Variants in NR2F1-AS1 observed in about 807,000 individuals in gnomAD.
The protein encoded by NR2F1-AS1 is NR2F1 regulatory antisense RNA 1, also known as NR2F1 antisense RNA 1.
chr5:93,415,250 C>G (rs913438716), intron 4 of NR2F1-AS1, among the ~76,000 whole-genome samples: 5 of 152,154 alleles, frequency 3.3e-5, no homozygotes, highest in African/African-American at 1.2e-4. Context: ...TTAACTGTAT[C>G]TACTTCACAG....
chr5:93,547,578 C>T (rs926775190), intron 4 of NR2F1-AS1, among the ~76,000 whole-genome samples: 2 of 152,196 alleles, frequency 1.3e-5, no homozygotes, highest in Middle Eastern at 3.4e-3. Context: ...TACACTTATG[C>T]TATTTTAGTG....
At chr5:93,496,698 A>T (rs561777980) in intron 4 of NR2F1-AS1, among the ~76,000 whole-genome samples, 16 of 152,302 alleles carry the variant, frequency 1.1e-4, no homozygotes, top group African/African-American at 3.8e-4. Flanking sequence ...CTTAATTTAC[A>T]TACCACAATT....
intron 4 of NR2F1-AS1, among the ~76,000 whole-genome samples, chr5:93,502,423 A>G (rs986089978): frequency 1.3e-5 from 2 of 152,186 alleles, no homozygotes; most frequent in East Asian, 3.9e-4. Context: ...CCAAAGTTAC[A>G]AGAGTATATG....
chr5:93,498,764 T>C (rs1277126077), intron 4 of NR2F1-AS1, among the ~76,000 whole-genome samples: 2 of 152,078 alleles, frequency 1.3e-5, no homozygotes, highest in Non-Finnish European at 2.9e-5. Context: ...CAAATAGGAA[T>C]AAATGTAACT....
chr5:93,497,815 T>C (rs567167054), intron 4 of NR2F1-AS1, among the ~76,000 whole-genome samples: 1 of 152,226 alleles, frequency 6.6e-6, no homozygotes, highest in Non-Finnish European at 1.5e-5. Flanking sequence ...TTAGCTTTCA[T>C]GCATTCCTCA....
intron 4 of NR2F1-AS1, among the ~76,000 whole-genome samples, chr5:93,516,529 A>G (rs1299341166): frequency 6.6e-6 from 1 of 151,958 alleles, no homozygotes; most frequent in Non-Finnish European, 1.5e-5. Flanking sequence ...GCACTTCCAC[A>G]TAAATTCTCA....
chr5:93,575,560 G>T (rs1752877113), intron 1 of NR2F1-AS1, among the ~76,000 whole-genome samples: 1 of 152,166 alleles, frequency 6.6e-6, no homozygotes, highest in South Asian at 2.1e-4. Context: ...ATTGTGGGGA[G>T]AAATTGAAAG....
At chr5:93,433,185 TAA>T (rs1295434518) in intron 4 of NR2F1-AS1, among the ~76,000 whole-genome samples, 4 of 152,218 alleles carry the variant, frequency 2.6e-5, no homozygotes, top group African/African-American at 9.6e-5. Context: ...TAGTGAGATA[TAA>T]AGTTTTAGTA....
intron 4 of NR2F1-AS1, among the ~76,000 whole-genome samples, chr5:93,526,820 TA>T (rs1387535003): frequency 6.6e-6 from 1 of 152,142 alleles, no homozygotes; most frequent in East Asian, 1.9e-4. Context: ...AAACTTTCAA[TA>T]AACTAGGTAT....
chr5:93,470,226 T>C (rs1750338070), intron 4 of NR2F1-AS1, among the ~76,000 whole-genome samples: 2 of 151,990 alleles, frequency 1.3e-5, no homozygotes, highest in Non-Finnish European at 1.5e-5. Context: ...TTAGAAATTA[T>C]GGAAATCCCA....
At chr5:93,581,780 C>CT (rs1348298885), upstream of NR2F1-AS1, among the ~76,000 whole-genome samples, 29 of 39,916 alleles carry the variant, frequency 7.3e-4, 1 homozygote, top group African/African-American at 3.4e-3. Context: ...TCTCCCTCTC[C>CT]CTCTCCCTCT....
chr5:93,573,022 G>A (rs1033040953), intron 1 of NR2F1-AS1, among the ~76,000 whole-genome samples: 12 of 152,354 alleles, frequency 7.9e-5, no homozygotes, highest in African/African-American at 2.6e-4. Context: ...GGAGCCAGGA[G>A]GAGTGAGAAG....
At chr5:93,421,044 T>G (rs1749076937) in intron 4 of NR2F1-AS1, among the ~76,000 whole-genome samples, 1 of 152,190 alleles carries the variant, frequency 6.6e-6, no homozygotes, top group Admixed American at 6.5e-5. Flanking sequence ...CTGGGAGCCC[T>G]AAGGAATAAA....
rs377736286 is a variant in NR2F1-AS1 at position 93,558,527 on chromosome 5, G to C, written n.414-3532C>G. 4.8e-4 allele frequency among the ~76,000 whole-genome samples: 73 copies of C among 152,114 alleles called. 1 individual carries two copies. Among genetic ancestry groups the C allele is most frequent in the African/African-American group, 1.7e-3 (69 of 41,500 alleles). ...AGTAGAGACAGGGTTTCACCATGTG[G>C]GCCAGGCTGGTCTCAAACTTCTGAC... On this transcript the variant is annotated intron_variant and non_coding_transcript_variant, in intron 2 of 5. Coordinates refer to ENST00000660523, the Ensembl canonical transcript of NR2F1-AS1.
Position 93,522,099 on chromosome 5 carries a change from A to C in NR2F1-AS1, n.638+31662T>G, listed in dbSNP as rs996152943. 8.5e-5 allele frequency among the ~76,000 whole-genome samples: 13 copies of C among 152,344 alleles called. No homozygotes were observed. In the South Asian group the frequency reaches 1.9e-3, roughly 22 times the overall value. ...GGATGTTATGATCCTTAGCAAACGA[A>C]TGCAGGAACAGGAAACGAAATACCA... On this transcript the variant is annotated intron_variant and non_coding_transcript_variant, in intron 4 of 5. Transcript: ENST00000660523.
intron 4 of NR2F1-AS1, among the ~76,000 whole-genome samples, chr5:93,537,568 T>C (rs1291310575): frequency 3.9e-5 from 6 of 152,170 alleles, no homozygotes; most frequent in African/African-American, 1.2e-4. Context: ...TCAATATCAC[T>C]AATCAGTAGG....
At position 93,566,439 on chromosome 5, in the gene NR2F1-AS1, A is replaced by G. The variant is rs564317469; in HGVS notation, n.314-2976T>C. 1.3e-4 allele frequency among the ~76,000 whole-genome samples: 20 copies of G among 152,232 alleles called. No homozygotes were observed. In the South Asian group the frequency reaches 3.7e-3, roughly 28 times the overall value. On this transcript the variant is annotated intron_variant and non_coding_transcript_variant, in intron 1 of 5. Transcript: ENST00000660523. ...AGATCATTAAATCAATATAATTTTC[A>G]GCACTACAGAAGAGAAACAAATAGA...
chr5:93,541,167 C>CT (rs1177468725), intron 4 of NR2F1-AS1, among the ~76,000 whole-genome samples: 1 of 152,144 alleles, frequency 6.6e-6, no homozygotes, highest in Non-Finnish European at 1.5e-5. Flanking sequence ...ACCATTTGGT[C>CT]TTTCACCACA....
At chr5:93,439,133 CA>C (rs1561436862) in intron 4 of NR2F1-AS1, among the ~76,000 whole-genome samples, 1 of 152,202 alleles carries the variant, frequency 6.6e-6, no homozygotes, top group Non-Finnish European at 1.5e-5. Flanking sequence ...ATTGACCTAA[CA>C]TAGCCAAGAA....
Sources: allele counts gnomAD v4.1 joint callset (sites outside exome capture counted in the v4.1 genomes callset), GRCh38; gene constraint gnomAD v4.1.1; transcripts MANE v1.5; gene names NCBI Gene and HGNC (gene_info 2026-07-23, HGNC 2026-07-21).